The following SNAP29 variants were observed in gnomAD, a reference collection of about 807,000 sequenced individuals.
SNAP29 encodes synaptosome associated protein 29, also known as synaptosomal-associated protein 29.
Under a neutral mutation model 27.9 loss-of-function variants are expected in SNAP29, and 13 were observed. The ratio of observed to expected loss-of-function variants is 0.47; its 90% CI spans 0.30 to 0.74. The LOEUF is 0.74. SNAP29 is among the 30% of genes least tolerant of loss of function. The pLI, the probability that SNAP29 is intolerant of heterozygous loss-of-function variation, is 0.06. For synonymous variants in SNAP29, 119 were observed against 127.1 expected, an observed-to-expected ratio of 0.94 and a Z score of 0.43; for missense variants, 368 against 336.5, an observed-to-expected ratio of 1.09 and a Z score of -0.73.
intron 2 of SNAP29, among the ~76,000 whole-genome samples, chr22:20,880,125 T>G (rs1437346666): frequency 1.3e-5 from 2 of 152,168 alleles, no homozygotes; most frequent in East Asian, 3.9e-4. Context: ...GAGGTGCACA[T>G]GGTCATCTCT....
At chr22:20,868,279 C>T (rs1016561203) in intron 1 of SNAP29, among the ~76,000 whole-genome samples, 3 of 151,932 alleles carry the variant, frequency 2.0e-5, no homozygotes, top group Non-Finnish European at 2.9e-5. Flanking sequence ...CTTTTTTTTA[C>T]TTAAAAAAGG....
In SNAP29 at chr22:20,889,008, A is replaced by T. The variant is rs1435042925; in HGVS notation, c.*1172A>T. On this transcript the variant is annotated 3_prime_UTR_variant, in exon 5 of 5. Coordinates refer to ENST00000215730, the MANE Select transcript of SNAP29 (RefSeq NM_004782.4). ...TTTACAAAAGAAATCATGCAGAAGC[A>T]TCAATTAAAACTGATTTATTTATGT... 1.3e-5 allele frequency: 2 copies of T among 152,248 alleles called. No individual in the cohort carries two copies. The highest frequency in any genetic ancestry group is 6.5e-5 in the Admixed American group (1 of 15,278). The allele number at this position is 152,248 out of a possible 1,614,324, so 9.4% of individuals were successfully genotyped here.
At chr22:20,880,672 C>G (rs1368514959) in intron 2 of SNAP29, among the ~76,000 whole-genome samples, 1 of 152,072 alleles carries the variant, frequency 6.6e-6, no homozygotes, top group Non-Finnish European at 1.5e-5. Flanking sequence ...GAGAGGGCCA[C>G]CTAACTCGAT....
chr22:20,877,324 A>G (rs1928771163), intron 2 of SNAP29, among the ~76,000 whole-genome samples: 1 of 152,196 alleles, frequency 6.6e-6, no homozygotes, highest in African/African-American at 2.4e-5. Context: ...TGGGAGGCCA[A>G]GGAGGGTGGA....
At chr22:20,883,991 A>G (rs1025202959) in intron 4 of SNAP29, among the ~76,000 whole-genome samples, 1 of 152,140 alleles carries the variant, frequency 6.6e-6, no homozygotes, top group Admixed American at 6.5e-5. Flanking sequence ...TCGTGTTGCA[A>G]TTGGCACTTT....
At chr22:20,876,475 C>T (rs190911778) in intron 2 of SNAP29, among the ~76,000 whole-genome samples, 37 of 151,632 alleles carry the variant, frequency 2.4e-4, no homozygotes, top group African/African-American at 8.5e-4. Flanking sequence ...CCAGGCTGAT[C>T]TCAACCACCT....
At chr22:20,886,919 AC>A (rs1929029768) in intron 4 of SNAP29, among the ~76,000 whole-genome samples, 1 of 151,916 alleles carries the variant, frequency 6.6e-6, no homozygotes. Context: ...GGCCAAAACT[AC>A]CTTTTTAAAA....
chr22:20,883,485 G>T lies in SNAP29; in HGVS notation c.535G>T (p.Gly179Trp), dbSNP rs1928937265. 6.2e-7 allele frequency: 1 copy of T among 1,612,166 alleles called. No homozygotes were observed. Among genetic ancestry groups the T allele is most frequent in the East Asian group, 2.2e-5 (1 of 44,852 alleles). The stretch of plus-strand genomic sequence containing the variant: ...TCTAAACTTAGACCCTGTCCCCAGA[G>T]GGGCTGGTTCTGCCATGAGTACTGA... ...KLDDTDPVPR[G>W]AGSAMSTDAY... The change falls in exon 4 of 5, where the codon GGG (glycine) becomes TGG (tryptophan). Residue 179 changes from glycine (G) to tryptophan (W), a missense_variant. Transcript: ENST00000215730.
At chr22:20,864,919 A>G (rs549272773) in intron 1 of SNAP29, among the ~76,000 whole-genome samples, 16 of 152,342 alleles carry the variant, frequency 1.1e-4, no homozygotes, top group African/African-American at 2.9e-4. Context: ...GTGACCAGAA[A>G]ATGCATCCCA....
chr22:20,880,604 G>A (rs1392055917), intron 2 of SNAP29, among the ~76,000 whole-genome samples: 1 of 152,138 alleles, frequency 6.6e-6, no homozygotes, highest in African/African-American at 2.4e-5. Flanking sequence ...TAAAGTACCG[G>A]TTTGGTTGTT....
intron 4 of SNAP29, among the ~76,000 whole-genome samples, chr22:20,886,934 C>A (rs1211554850): frequency 6.6e-6 from 1 of 151,896 alleles, no homozygotes; most frequent in Non-Finnish European, 1.5e-5. Context: ...TTTAAAAAAA[C>A]TGATTTTGGC....
intron 2 of SNAP29, among the ~76,000 whole-genome samples, chr22:20,877,708 T>C (rs2042012672): frequency 6.6e-6 from 1 of 152,080 alleles, no homozygotes. Context: ...AGAGCTAGAC[T>C]CCGTCTCAAA....
intron 3 of SNAP29, among the ~76,000 whole-genome samples, chr22:20,883,110 T>C (rs1928926286): frequency 6.6e-6 from 1 of 152,220 alleles, no homozygotes; most frequent in Non-Finnish European, 1.5e-5. Context: ...AATTTGTATT[T>C]TTATACTTTG....
Position 20,881,153 on chromosome 22 carries a change from G to A in SNAP29, c.520+19G>A. ...GATACAGGTAAGTGGATACCTGTGT[G>A]CACAGCCACATTTGAATTCTGGGGG... On this transcript the variant is annotated intron_variant, in intron 3 of 4. Coordinates refer to ENST00000215730, the MANE Select transcript of SNAP29 (RefSeq NM_004782.4). 2 of 1,517,808 alleles carry A rather than the reference G, an allele frequency of 1.3e-6. No individual in the cohort carries two copies. Among genetic ancestry groups the A allele is most frequent in the Non-Finnish European group, 1.8e-6 (2 of 1,092,588 alleles). The allele number at this position is 1,517,808 out of a possible 1,614,324, so 94.0% of individuals were successfully genotyped here. A position where few individuals can be genotyped will look rare whatever the true frequency, so the allele number is the denominator to read the frequency against.
intron 1 of SNAP29, among the ~76,000 whole-genome samples, chr22:20,864,171 T>C (rs1487946506): frequency 1.3e-5 from 2 of 152,100 alleles, no homozygotes; most frequent in East Asian, 1.9e-4. Context: ...ACTGAGGTTT[T>C]CTGGGGCCCG....
intron 2 of SNAP29, among the ~76,000 whole-genome samples, chr22:20,874,013 C>A (rs1279407275): frequency 7.6e-6 from 1 of 131,382 alleles, no homozygotes; most frequent in Non-Finnish European, 1.6e-5. Context: ...TGGTGAGTCA[C>A]GCCTGTAATC....
rs762945292 is a variant in SNAP29 at position 20,889,363 on chromosome 22, C to G, written c.*1527C>G. ...TGACCTTCCTAAAAATATCCACAGC[C>G]TCCATAGGCAAGGTGAGCTTTCTGT... On this transcript the variant is annotated 3_prime_UTR_variant, in exon 5 of 5. Coordinates refer to ENST00000215730, the MANE Select transcript of SNAP29 (RefSeq NM_004782.4). 1.3e-5 allele frequency: 2 copies of G among 152,210 alleles called. No individual in the cohort carries two copies. The highest frequency in any genetic ancestry group is 2.9e-5 in the Non-Finnish European group (2 of 68,038). 9.4% of individuals were successfully genotyped at this position (152,210 alleles called of 1,614,324 possible).
chr22:20,862,576 G>A (rs1273495467), intron 1 of SNAP29, among the ~76,000 whole-genome samples: 1 of 152,112 alleles, frequency 6.6e-6, no homozygotes, highest in Non-Finnish European at 1.5e-5. Context: ...ATGTAATAGT[G>A]GTGAGTTTGA....
Position 20,859,052 on chromosome 22 carries a change from ACGG to A in SNAP29, c.-51_-49del. 6 of 1,456,026 alleles carry A rather than the reference ACGG, an allele frequency of 4.1e-6. No individual in the cohort carries two copies. The highest frequency in any genetic ancestry group is 1.2e-5 in the South Asian group (1 of 84,086). 90.2% of individuals were successfully genotyped at this position (1,456,026 alleles called of 1,614,324 possible). A position where few individuals can be genotyped will look rare whatever the true frequency, so the allele number is the denominator to read the frequency against. On this transcript the variant is annotated 5_prime_UTR_variant, in exon 1 of 5. Coordinates refer to ENST00000215730, the MANE Select transcript of SNAP29 (RefSeq NM_004782.4). ...GTCGGCGGGCGGGGCGAGGCCCTGG[ACGG>A]CGGCGGCAGTGGGGCTCCTCCTTCT...
Sources: allele counts gnomAD v4.1 joint callset (sites outside exome capture counted in the v4.1 genomes callset), GRCh38; gene constraint gnomAD v4.1.1; transcripts MANE v1.5; gene names NCBI Gene and HGNC (gene_info 2026-07-23, HGNC 2026-07-21).